CDKN2B-AS1: variants seen among roughly 807,000 people sequenced by gnomAD.
The protein encoded by CDKN2B-AS1 is CDKN2B antisense RNA 1 (non-protein coding).
rs538581624 is a variant in CDKN2B-AS1, at chr9:22,040,124, G to A, written n.30-6627G>A. ...TCTCAGACGTCTAGCTTCCAGAGCT[G>A]TGAGACAATTTCTCTTTTTAGGCCA... On this transcript the variant is annotated intron_variant and non_coding_transcript_variant, in intron 1 of 4. Coordinates refer to ENST00000650946, the Ensembl canonical transcript of CDKN2B-AS1. Among the ~76,000 whole-genome samples, 4 of 152,148 alleles carry A rather than the reference G, an allele frequency of 2.6e-5. No homozygotes were observed. In the South Asian group the frequency reaches 8.3e-4, roughly 32 times the overall value.
chr9:22,089,539 TC>T (rs988160661), intron 4 of CDKN2B-AS1, among the ~76,000 whole-genome samples: 7 of 152,136 alleles, frequency 4.6e-5, no homozygotes, highest in Non-Finnish European at 8.8e-5. Context: ...CAAGTGATCT[TC>T]CCACCTCTGC....
intron 1 of CDKN2B-AS1, chr9:22,012,261 TC>T: frequency 1.4e-6 from 2 of 1,437,766 alleles, no homozygotes; most frequent in Non-Finnish European, 2.0e-6. Flanking sequence ...AAGGAGGGTA[TC>T]CCCCCTGACA....
intron 4 of CDKN2B-AS1, among the ~76,000 whole-genome samples, chr9:22,063,287 G>A (rs1254560035): frequency 6.6e-6 from 1 of 152,054 alleles, no homozygotes; most frequent in African/African-American, 2.4e-5. Flanking sequence ...TTCACAAAAA[G>A]TTCAGTTTTG....
intron 1 of CDKN2B-AS1, among the ~76,000 whole-genome samples, chr9:22,018,100 G>A (rs929022167): frequency 6.6e-6 from 1 of 151,930 alleles, no homozygotes; most frequent in Non-Finnish European, 1.5e-5. Context: ...GAGGTGGGTG[G>A]ATCACCTGAG....
intron 4 of CDKN2B-AS1, among the ~76,000 whole-genome samples, chr9:22,068,137 C>T (rs1265102589): frequency 6.6e-6 from 1 of 152,158 alleles, no homozygotes; most frequent in African/African-American, 2.4e-5. Context: ...TCAGAGATCT[C>T]CCTTTTCCCC....
intron 4 of CDKN2B-AS1, among the ~76,000 whole-genome samples, chr9:22,087,604 A>C (rs2131337541): frequency 6.6e-6 from 1 of 152,342 alleles, no homozygotes; most frequent in South Asian, 2.1e-4. Flanking sequence ...AAATAAATTG[A>C]ATAGACTGTC....
chr9:22,024,487 G>A (rs1344015118), intron 1 of CDKN2B-AS1, among the ~76,000 whole-genome samples: 1 of 152,150 alleles, frequency 6.6e-6, no homozygotes, highest in Non-Finnish European at 1.5e-5. Flanking sequence ...TTGGTGAGAG[G>A]CACTGACCAG....
chr9:22,043,311 C>T (rs535769696), intron 1 of CDKN2B-AS1, among the ~76,000 whole-genome samples: 25 of 151,850 alleles, frequency 1.6e-4, no homozygotes, highest in South Asian at 6.2e-4. Context: ...TTTTTTTCTA[C>T]GGTAAGAAAC....
At chr9:22,105,493 A>G (rs1051244673) in intron 4 of CDKN2B-AS1, among the ~76,000 whole-genome samples, 2 of 152,152 alleles carry the variant, frequency 1.3e-5, no homozygotes, top group Non-Finnish European at 2.9e-5. Flanking sequence ...CTATTTTTGC[A>G]TGATATTTTC....
At chr9:22,020,406 C>G (rs551793505) in intron 1 of CDKN2B-AS1, among the ~76,000 whole-genome samples, 118 of 152,236 alleles carry the variant, frequency 7.8e-4, no homozygotes, top group African/African-American at 2.7e-3. Flanking sequence ...AATGGGATTG[C>G]TGGGTTGAAT....
chr9:22,124,334 C>T (rs755466691), intron 4 of CDKN2B-AS1, among the ~76,000 whole-genome samples: 21 of 152,100 alleles, frequency 1.4e-4, no homozygotes, highest in Non-Finnish European at 2.8e-4. Flanking sequence ...TACAAAGTTT[C>T]AAGAAATTAA....
intron 4 of CDKN2B-AS1, among the ~76,000 whole-genome samples, chr9:22,064,725 T>C (rs1823970004): frequency 6.6e-6 from 1 of 152,104 alleles, no homozygotes; most frequent in Non-Finnish European, 1.5e-5. Flanking sequence ...CTGCCTCCTG[T>C]GTGCACGGTG....
intron 1 of CDKN2B-AS1, among the ~76,000 whole-genome samples, chr9:22,020,142 C>A (rs1821955231): frequency 6.6e-6 from 1 of 152,118 alleles, no homozygotes; most frequent in African/African-American, 2.4e-5. Context: ...TCTGTTCCTG[C>A]ATTAGTTTGC....
intron 1 of CDKN2B-AS1, among the ~76,000 whole-genome samples, chr9:22,038,747 G>A (rs188559633): frequency 3.3e-5 from 5 of 152,104 alleles, no homozygotes; most frequent in Non-Finnish European, 7.4e-5. Flanking sequence ...CATTTTTAAT[G>A]ACGGAGATAA....
At chr9:22,017,230 G>T (rs1444240465) in intron 1 of CDKN2B-AS1, among the ~76,000 whole-genome samples, 1 of 152,188 alleles carries the variant, frequency 6.6e-6, no homozygotes, top group Non-Finnish European at 1.5e-5. Flanking sequence ...TTCGAGACCA[G>T]CCTGGCCAAT....
chr9:22,116,650 C>G (rs1022487216), intron 4 of CDKN2B-AS1, among the ~76,000 whole-genome samples: 1 of 152,064 alleles, frequency 6.6e-6, no homozygotes, highest in Non-Finnish European at 1.5e-5. Flanking sequence ...GAACTTGAGA[C>G]AACTTGGCCC....
chr9:22,119,974 T>C (rs867499686), intron 4 of CDKN2B-AS1: 40 of 152,204 alleles, frequency 2.6e-4, no homozygotes, highest in African/African-American at 7.2e-4. Context: ...AGCTAGACTT[T>C]CATATAAATC....
chr9:22,099,811 G>A (rs1587531805), intron 4 of CDKN2B-AS1, among the ~76,000 whole-genome samples: 1 of 152,164 alleles, frequency 6.6e-6, no homozygotes, highest in African/African-American at 2.4e-5. Flanking sequence ...GGTGTGCATG[G>A]ATAGATGCAC....
exon 5 of CDKN2B-AS1, among the ~76,000 whole-genome samples, chr9:22,127,114 C>G (rs143855686): frequency 2.2e-4 from 33 of 152,130 alleles, no homozygotes; most frequent in Non-Finnish European, 3.8e-4. Context: ...TGTAGTGTCA[C>G]TCTGTCGCCC....
Sources: gnomAD v4.1 joint callset for allele counts (sites outside exome capture counted in the v4.1 genomes callset) on GRCh38, gnomAD v4.1.1 for gene constraint, MANE v1.5 for transcripts, NCBI Gene and HGNC (gene_info 2026-07-23, HGNC 2026-07-21) for gene names.